Variants in BICD2 observed in about 807,000 individuals in gnomAD.
BICD2 encodes the protein BICD cargo adaptor 2.
BICD2 carries 25 observed loss-of-function variants against 72.9 expected under a neutral mutation model. The observed-to-expected ratio is 0.34, with a 90% CI of 0.25 to 0.48. The LOEUF (loss-of-function observed/expected upper bound fraction) is 0.48. Among genes scored for constraint, BICD2 ranks in the 20% least tolerant of loss-of-function variants. The pLI is 0.99. For missense variants in BICD2, 894 were observed against 1,175.2 expected (o/e 0.76, Z 3.50); for synonymous variants, 501 against 516.1 (o/e 0.97, Z 0.40).
intron 2 of BICD2, among the ~76,000 whole-genome samples, chr9:92,725,673 T>A (rs184182166): frequency 0.067 from 10,265 of 152,272 alleles, 463 homozygotes; most frequent in Non-Finnish European, 0.098. Context: ...CTCCCCTTTG[T>A]GGGATCCCCA....
rs1260360850 is a variant in BICD2 at position 92,764,819 on chromosome 9, C to CGCCGCCGCCGCCCTGCCCCGACG, written c.-76_-75insCGTCGGGGCAGGGCGGCGGCGGC. 4 of 1,133,752 alleles carry CGCCGCCGCCGCCCTGCCCCGACG rather than the reference C, an allele frequency of 3.5e-6. No homozygotes were observed. Among genetic ancestry groups the CGCCGCCGCCGCCCTGCCCCGACG allele is most frequent in the Non-Finnish European group, 4.3e-6 (4 of 923,782 alleles). 70.2% of individuals were successfully genotyped at this position (1,133,752 alleles called of 1,614,324 possible). On this transcript the variant is annotated 5_prime_UTR_variant, in exon 1 of 7. Coordinates refer to ENST00000356884, the MANE Select transcript of BICD2 (RefSeq NM_001003800.2). The surrounding 1 kb of genome is among the most constrained non-coding windows in gnomAD (Gnocchi z 5.5). ...CCTCCTCAGCCGCCGCCGCTGCCGC[C>CGCCGCCGCCGCCCTGCCCCGACG]GCCGCCGCCGCCCTGCCCCGACGGC...
At chr9:92,757,473 G>C (rs1854284356) in intron 1 of BICD2, among the ~76,000 whole-genome samples, 1 of 151,706 alleles carries the variant, frequency 6.6e-6, no homozygotes, top group Non-Finnish European at 1.5e-5. Flanking sequence ...TGACACTAAA[G>C]AATTTTTGTT....
chr9:92,729,731 C>T (rs1564064834), intron 1 of BICD2, among the ~76,000 whole-genome samples: 2 of 152,200 alleles, frequency 1.3e-5, no homozygotes, highest in Admixed American at 6.5e-5. Flanking sequence ...GCCCCAGGCC[C>T]GAGGATGGCA....
rs1853394760 is a variant in BICD2 at position 92,718,988 on chromosome 9, T to C, written c.1657A>G (p.Met553Val). ...MCNNETPNRV[M>V]LDYYREGQGG... ...TGGCCCTCGCGGTAGTAGTCCAGCA[T>C]GACACGGTTGGGTGTCTCATTGTTG... The change falls in exon 5 of 7, where the codon ATG (methionine) becomes GTG (valine). Residue 553 changes from methionine to valine, a missense_variant. Coordinates refer to ENST00000356884, the MANE Select transcript of BICD2 (RefSeq NM_001003800.2). The C allele has an allele frequency of 1.2e-6, 2 of 1,611,392 alleles. No homozygotes were observed. Among genetic ancestry groups the C allele is most frequent in the Admixed American group, 1.7e-5 (1 of 60,004 alleles).
chr9:92,740,549 G>A (rs184641853), intron 1 of BICD2, among the ~76,000 whole-genome samples: 9 of 152,054 alleles, frequency 5.9e-5, no homozygotes, highest in Admixed American at 1.3e-4. Flanking sequence ...GGGGGGCGTT[G>A]TGGTGGATTG....
At chr9:92,763,869 C>T (rs771645523) in intron 1 of BICD2, among the ~76,000 whole-genome samples, 1 of 152,226 alleles carries the variant, frequency 6.6e-6, no homozygotes, top group Admixed American at 6.5e-5. Flanking sequence ...GGACACAGCG[C>T]TGGGCCTGGG....
chr9:92,744,441 G>A (rs1005868627), intron 1 of BICD2, among the ~76,000 whole-genome samples: 5 of 152,276 alleles, frequency 3.3e-5, no homozygotes, highest in Admixed American at 6.5e-5. Flanking sequence ...TTACATGGGT[G>A]TACTTACTTT....
intron 1 of BICD2, among the ~76,000 whole-genome samples, chr9:92,756,610 C>A (rs1258394652): frequency 4.0e-5 from 6 of 150,494 alleles, no homozygotes; most frequent in African/African-American, 1.5e-4. Context: ...CAGTGGCTCA[C>A]GCCTGTAATC....
chr9:92,718,050 G>C (rs969030716), intron 5 of BICD2, 102 bp from the exon 6 acceptor site: 3 of 1,425,116 alleles, frequency 2.1e-6, no homozygotes, highest in Admixed American at 4.4e-5. Flanking sequence ...TGGTGGCAGT[G>C]CCTGGGAAGA....
rs1033750977 is a variant in BICD2 at position 92,712,991 on chromosome 9, A to G, written c.*2163T>C. ...CACAGCTCTGCCTCGTGCTGACACC[A>G]GACAAACACGGTGGGAGCTGAGGCG... On this transcript the variant is annotated 3_prime_UTR_variant, in exon 7 of 7. Transcript: ENST00000356884. 1.2e-5 allele frequency: 2 copies of G among 171,428 alleles called. No homozygotes were observed. The highest frequency in any genetic ancestry group is 1.6e-4 in the East Asian group (1 of 6,450). 10.6% of individuals were successfully genotyped at this position (171,428 alleles called of 1,614,324 possible). A position where few individuals can be genotyped will look rare whatever the true frequency, so the allele number is the denominator to read the frequency against.
chr9:92,741,876 C>G lies in BICD2; in HGVS notation c.241-12640G>C, dbSNP rs1329636900. Among the ~76,000 whole-genome samples the G allele has an allele frequency of 4.6e-5, 7 of 152,232 alleles. No individual in the cohort carries two copies. The East Asian group carries it at 1.3e-3, about 29-fold the overall frequency. ...CACCAAGAAACATCCTCAAAAAGGT[C>G]AGAGATTTCAAATATACCAAGATAC... On this transcript the variant is annotated intron_variant, in intron 1 of 6. Transcript: ENST00000356884.
intron 1 of BICD2, among the ~76,000 whole-genome samples, chr9:92,745,895 C>G (rs1854001845): frequency 6.6e-6 from 1 of 152,234 alleles, no homozygotes; most frequent in African/African-American, 2.4e-5. Flanking sequence ...CCCAACCACG[C>G]CTGCTCCTCA....
At chr9:92,761,076 A>G (rs1010508674) in intron 1 of BICD2, among the ~76,000 whole-genome samples, 2 of 152,180 alleles carry the variant, frequency 1.3e-5, no homozygotes, top group African/African-American at 2.4e-5. Context: ...TCCAGAAGGC[A>G]GCAGGCAGGG....
At position 92,764,529 on chromosome 9, in the gene BICD2, G is replaced by T; in HGVS notation, c.216C>A (p.Arg72=). Residue 72 remains arginine, a synonymous_variant, in exon 1 of 7, where the codon CGC becomes CGA. Coordinates refer to ENST00000356884, the MANE Select transcript of BICD2 (RefSeq NM_001003800.2). The surrounding 1 kb of genome is among the most constrained non-coding windows in gnomAD (Gnocchi z 5.5). ...CCTCCTTGAGCTGCTCCATCTCGCT[G>T]CGGATAGCCTCATAGTCCACCTCGA... ...EELEVDYEAI[R]SEMEQLKEAF... is the part of the protein sequence containing the mutation. 2 of 1,537,832 alleles carry T rather than the reference G, an allele frequency of 1.3e-6. No homozygotes were observed. The highest frequency in any genetic ancestry group is 1.8e-6 in the Non-Finnish European group (2 of 1,141,818).
At chr9:92,749,919 G>A (rs12236754) in intron 1 of BICD2, among the ~76,000 whole-genome samples, 28,384 of 152,320 alleles carry the variant, frequency 0.19, 3,819 homozygotes, top group East Asian at 0.72. Flanking sequence ...TGTTCCAAAC[G>A]AGGGGAGGAT....
intron 1 of BICD2, among the ~76,000 whole-genome samples, chr9:92,754,353 G>T (rs1337698402): frequency 6.6e-6 from 1 of 152,124 alleles, no homozygotes; most frequent in South Asian, 2.1e-4. Flanking sequence ...CCGGGTGCAG[G>T]GCTCTGTGTA....
intron 1 of BICD2, among the ~76,000 whole-genome samples, chr9:92,731,182 C>T (rs1853672737): frequency 6.6e-6 from 1 of 152,118 alleles, no homozygotes; most frequent in Admixed American, 6.5e-5. Context: ...CAGGAGGGAC[C>T]CAAATGAAGG....
At chr9:92,718,198 C>T (rs1281718820) in intron 5 of BICD2, among the ~76,000 whole-genome samples, 1 of 152,216 alleles carries the variant, frequency 6.6e-6, no homozygotes, top group Admixed American at 6.5e-5. Context: ...CTCCACGAAG[C>T]CCCACAATTG....
intron 1 of BICD2, among the ~76,000 whole-genome samples, chr9:92,757,183 G>C (rs1003309308): frequency 6.6e-6 from 1 of 151,966 alleles, no homozygotes; most frequent in African/African-American, 2.4e-5. Flanking sequence ...GTGTGGCAGT[G>C]TGCACCTATG....
Sources: allele counts gnomAD v4.1 joint callset (sites outside exome capture counted in the v4.1 genomes callset), GRCh38; gene constraint gnomAD v4.1.1; non-coding constraint Gnocchi (gnomAD v3.1); transcripts MANE v1.5; gene names NCBI Gene and HGNC (gene_info 2026-07-23, HGNC 2026-07-21).